FER: variants seen among roughly 807,000 people sequenced by gnomAD.
The protein encoded by FER is tyrosine-protein kinase Fer.
A neutral mutation model predicts 111.0 loss-of-function variants in FER; 63 were observed. The ratio of observed to expected loss-of-function variants is 0.57; its 90% CI spans 0.46 to 0.70. FER has a LOEUF of 0.70. Among genes scored for constraint, FER ranks in the 30% least tolerant of loss-of-function variants. The pLI, the probability that FER is intolerant of heterozygous loss-of-function variation, is 0.00. For missense variants in FER, 914 were observed against 954.0 expected (o/e 0.96, Z 0.55); for synonymous variants, 327 against 313.9 (o/e 1.04, Z -0.44).
intron 13 of FER, among the ~76,000 whole-genome samples, chr5:108,995,225 G>A (rs1488844555): frequency 6.6e-6 from 1 of 152,034 alleles, no homozygotes; most frequent in African/African-American, 2.4e-5. Context: ...TGCCCATTCA[G>A]TATGGTATTG....
At chr5:109,055,400 T>G (rs1461439294) in intron 16 of FER, among the ~76,000 whole-genome samples, 1 of 152,190 alleles carries the variant, frequency 6.6e-6, no homozygotes, top group Non-Finnish European at 1.5e-5. Flanking sequence ...GAAAACTACT[T>G]GCAAATCATA....
At chr5:109,075,502 C>T (rs1349998684) in intron 16 of FER, among the ~76,000 whole-genome samples, 1 of 150,044 alleles carries the variant, frequency 6.7e-6, no homozygotes, top group African/African-American at 2.5e-5. Flanking sequence ...CGACTCACTG[C>T]AAGCTCCGCC....
intron 8 of FER, among the ~76,000 whole-genome samples, chr5:108,880,162 A>G (rs1247016694): frequency 2.6e-5 from 4 of 152,200 alleles, no homozygotes; most frequent in Non-Finnish European, 1.5e-5. Context: ...TTTAATAAAC[A>G]CTTGTTTAAA....
At chr5:108,748,644 C>G (rs553391360) in intron 1 of FER, 1 of 152,472 alleles carries the variant, frequency 6.6e-6, no homozygotes, top group South Asian at 2.1e-4. Context: ...GTGAGCGAGC[C>G]CAGAAAGCGG....
intron 16 of FER, among the ~76,000 whole-genome samples, chr5:109,082,369 C>T (rs1777086944): frequency 6.6e-6 from 1 of 151,954 alleles, no homozygotes; most frequent in Non-Finnish European, 1.5e-5. Context: ...AAATGCATGT[C>T]CTTTCAGAAC....
chr5:108,920,537 A>G (rs750933146), intron 10 of FER, among the ~76,000 whole-genome samples: 5 of 152,100 alleles, frequency 3.3e-5, no homozygotes, highest in East Asian at 1.9e-4. Flanking sequence ...TTTTCAGTCA[A>G]TTGCTTAAGT....
chr5:109,099,058 A>G (rs1178502456), intron 16 of FER, among the ~76,000 whole-genome samples: 1 of 151,706 alleles, frequency 6.6e-6, no homozygotes, highest in Non-Finnish European at 1.5e-5. Flanking sequence ...TAGTCTAGAA[A>G]TGGCAAATAA....
chr5:109,157,853 C>T (rs1755566904), intron 17 of FER, among the ~76,000 whole-genome samples: 1 of 151,964 alleles, frequency 6.6e-6, no homozygotes, highest in African/African-American at 2.4e-5. Context: ...TTTGAGGTTC[C>T]AACTCACATA....
At position 108,968,832 on chromosome 5, in the gene FER, G is replaced by A. The variant is rs73211542; in HGVS notation, c.1656+9485G>A. Among the ~76,000 whole-genome samples, 1,269 of 152,106 alleles carry A rather than the reference G, an allele frequency of 8.3e-3. 17 individuals are homozygous for A. The highest frequency in any genetic ancestry group is 0.029 in the African/African-American group (1,203 of 41,514). ...GGTGAATCTCTTCAATATACAGTGT[G>A]CTACTAGAAATGGATAAGGACAACC... On this transcript the variant is annotated intron_variant, in intron 13 of 19. Transcript: ENST00000281092.
chr5:108,925,708 C>T (rs532602239), intron 10 of FER, among the ~76,000 whole-genome samples: 14 of 152,140 alleles, frequency 9.2e-5, no homozygotes, highest in Admixed American at 2.6e-4. Context: ...AATACATACA[C>T]GATTCTTGCT....
intron 3 of FER, among the ~76,000 whole-genome samples, 197 bp downstream of exon 3, chr5:108,798,586 A>G (rs1445647922): frequency 6.6e-6 from 1 of 152,164 alleles, no homozygotes; most frequent in Non-Finnish European, 1.5e-5. Context: ...GGTGGCTCAC[A>G]CCTGTAATCC....
chr5:108,958,664 G>A (rs1377259148), intron 12 of FER, among the ~76,000 whole-genome samples: 1 of 151,726 alleles, frequency 6.6e-6, no homozygotes, highest in Non-Finnish European at 1.5e-5. Flanking sequence ...ATGTGTGAAT[G>A]AGTGTTTTTG....
At chr5:108,963,530 C>T (rs1759413857) in intron 13 of FER, among the ~76,000 whole-genome samples, 1 of 152,222 alleles carries the variant, frequency 6.6e-6, no homozygotes, top group Non-Finnish European at 1.5e-5. Context: ...CCACTGCACT[C>T]CAGCCTGGGC....
At chr5:108,982,643 G>A (rs536107235) in intron 13 of FER, among the ~76,000 whole-genome samples, 1 of 152,014 alleles carries the variant, frequency 6.6e-6, no homozygotes, top group African/African-American at 2.4e-5. Flanking sequence ...ATTCTGAAGT[G>A]ATTTGAAACA....
intron 5 of FER, among the ~76,000 whole-genome samples, chr5:108,853,070 T>G (rs1277201947): frequency 6.6e-6 from 1 of 152,178 alleles, no homozygotes; most frequent in African/African-American, 2.4e-5. Flanking sequence ...TCGGTAAGCT[T>G]CTTTGCAATA....
At chr5:108,926,887 A>G (rs534454483) in intron 10 of FER, among the ~76,000 whole-genome samples, 76 of 152,226 alleles carry the variant, frequency 5.0e-4, no homozygotes, top group African/African-American at 1.5e-3. Flanking sequence ...TCTTACCACC[A>G]TAAAGTACAT....
chr5:108,851,325 C>G (rs1257762960), intron 5 of FER, among the ~76,000 whole-genome samples: 1 of 152,124 alleles, frequency 6.6e-6, no homozygotes, highest in Non-Finnish European at 1.5e-5. Flanking sequence ...CCTTATAAAG[C>G]CATCAGTCTC....
At chr5:108,756,600 A>G (rs966954412) in intron 1 of FER, among the ~76,000 whole-genome samples, 1 of 152,090 alleles carries the variant, frequency 6.6e-6, no homozygotes, top group African/African-American at 2.4e-5. Flanking sequence ...TATAATGGTA[A>G]TATGTAATTA....
chr5:108,810,164 GTCTTTTTGGCTCTGCCGTA>G (rs1352562816), intron 3 of FER, among the ~76,000 whole-genome samples: 1 of 152,020 alleles, frequency 6.6e-6, no homozygotes. Context: ...GTTCAGTAAT[GTCTTTTTGGCTCTGCCGTA>G]TGGACTTCCG....
Sources: allele counts gnomAD v4.1 joint callset (sites outside exome capture counted in the v4.1 genomes callset), GRCh38; gene constraint gnomAD v4.1.1; transcripts MANE v1.5; gene names NCBI Gene and HGNC (gene_info 2026-07-23, HGNC 2026-07-21).